The following COG7 variants were observed in gnomAD, a reference collection of about 807,000 sequenced individuals.
The protein encoded by COG7 is conserved oligomeric Golgi complex subunit 7.
Under a neutral mutation model 91.5 loss-of-function variants are expected in COG7, and 49 were observed. The observed-to-expected ratio is 0.54, with a 90% CI of 0.43 to 0.68. The LOEUF (loss-of-function observed/expected upper bound fraction) is 0.68. Among genes scored for constraint, COG7 ranks in the 30% least tolerant of loss-of-function variants. COG7 has a pLI of 0.00. For synonymous variants in COG7, 365 were observed against 388.7 expected, an observed-to-expected ratio of 0.94 and a Z score of 0.72; for missense variants, 895 against 961.3, an observed-to-expected ratio of 0.93 and a Z score of 0.91.
chr16:23,419,386 G>A (rs1264729345), intron 7 of COG7, among the ~76,000 whole-genome samples: 1 of 150,064 alleles, frequency 6.7e-6, no homozygotes, highest in Non-Finnish European at 1.5e-5. Context: ...ATTCCAGCCT[G>A]GGCAACAAGA....
intron 12 of COG7, 53 bp from the exon 13 acceptor site, chr16:23,403,887 T>G (rs557322472): frequency 7.1e-5 from 115 of 1,610,114 alleles, no homozygotes; most frequent in Admixed American, 3.3e-4. Flanking sequence ...CCAACCCAAG[T>G]ATTAGCTAGT....
chr16:23,430,764 C>T (rs1963922357), intron 6 of COG7, among the ~76,000 whole-genome samples: 1 of 152,044 alleles, frequency 6.6e-6, no homozygotes, highest in Admixed American at 6.5e-5. Context: ...TGGTCTCGAA[C>T]TCCTGACCTC....
intron 1 of COG7, chr16:23,446,606 C>G (rs943502377): frequency 6.5e-6 from 1 of 153,866 alleles, no homozygotes; most frequent in Non-Finnish European, 1.4e-5. Flanking sequence ...CGCCCGCCAC[C>G]CGCCTGGCTA....
In COG7 at chr16:23,442,617, G is replaced by A; in HGVS notation, c.464C>T (p.Thr155Ile). The change falls in exon 4 of 17, where the codon ACA (threonine) becomes ATA (isoleucine). Residue 155 changes from threonine to isoleucine, a missense_variant. By Grantham distance (89) the Thr-to-Ile change is moderately conservative (BLOSUM62 -1). Transcript: ENST00000307149. ...QDIAVISAKLTGMQNSLMMLV... is the reference protein window; with the variant it reads ...QDIAVISAKLIGMQNSLMMLV... ...CATCATTAAGCTGTTCTGCATACCT[G>A]TTAGCTTGGCAGAAATCACAGCTAT... The A allele has an allele frequency of 6.2e-7, 1 of 1,613,980 alleles. No homozygotes were observed.
intron 13 of COG7, among the ~76,000 whole-genome samples, chr16:23,403,341 G>A (rs755367743): frequency 6.6e-6 from 1 of 152,224 alleles, no homozygotes; most frequent in Non-Finnish European, 1.5e-5. Flanking sequence ...GATTCGTGTG[G>A]TGTGAAAATA....
intron 12 of COG7, among the ~76,000 whole-genome samples, chr16:23,404,950 C>T (rs1219603783): frequency 1.3e-5 from 2 of 152,106 alleles, no homozygotes; most frequent in Non-Finnish European, 2.9e-5. Flanking sequence ...GCATCTGGTG[C>T]TCCAGGAACA....
intron 1 of COG7, among the ~76,000 whole-genome samples, chr16:23,451,548 TAA>T (rs377095036): frequency 3.4e-4 from 52 of 151,412 alleles, no homozygotes; most frequent in Non-Finnish European, 6.0e-4. Context: ...ACCTTGTCTC[TAA>T]AAAAAAATTT....
At chr16:23,433,400 A>T in intron 6 of COG7, 145 bp downstream of exon 6, 1 of 1,092,582 alleles carries the variant, frequency 9.2e-7, no homozygotes, top group Non-Finnish European at 1.4e-6. Context: ...CTAACTGGTT[A>T]TTTTTTAACC....
At position 23,434,648 on chromosome 16, in the gene COG7, G is replaced by A. The variant is rs1388082233; in HGVS notation, c.675C>T (p.Tyr225=). The change falls in exon 5 of 17, where the codon TAC becomes TAT. Residue 225 remains tyrosine, a synonymous_variant. Coordinates refer to ENST00000307149, the MANE Select transcript of COG7 (RefSeq NM_153603.4). ...DRMPQLLAYY[Y]KCHKVQLLAA... ...CACAGCTTCTTACCTTGTGACACTT[G>A]TAGTAGTAGGCCAGGAGCTGGGGCA... 1 of 1,612,468 alleles carries A rather than the reference G, an allele frequency of 6.2e-7. No individual in the cohort carries two copies. The highest frequency in any genetic ancestry group is 1.3e-5 in the African/African-American group (1 of 74,886).
intron 13 of COG7, among the ~76,000 whole-genome samples, chr16:23,399,301 T>G (rs1258650138): frequency 6.6e-6 from 1 of 152,158 alleles, no homozygotes; most frequent in African/African-American, 2.4e-5. Flanking sequence ...TACAGTTTTC[T>G]AGACTCTTTG....
At position 23,416,974 on chromosome 16, in the gene COG7, A is replaced by G; in HGVS notation, c.1285T>C (p.Phe429Leu). 6.2e-7 allele frequency: 1 copy of G among 1,614,174 alleles called. No individual in the cohort carries two copies. The highest frequency in any genetic ancestry group is 1.1e-5 in the South Asian group (1 of 91,080). ...CCAGTTCCCCAGCCTTACTTGGCAA[A>G]GAGGGATTTCAGGGCTGACAACAGG... ...CGLLSALKSL[F>L]AKYVSDFTST... Residue 429 changes from phenylalanine to leucine, a missense_variant, in exon 9 of 17, where the codon TTT becomes CTT. By Grantham distance (22) the Phe-to-Leu change is conservative. Coordinates refer to ENST00000307149, the MANE Select transcript of COG7 (RefSeq NM_153603.4).
At chr16:23,397,998 G>T in intron 14 of COG7, 48 bp downstream of exon 14, 2 of 1,462,396 alleles carry the variant, frequency 1.4e-6, no homozygotes, top group Non-Finnish European at 1.9e-6. Flanking sequence ...AGACAAGGAA[G>T]GTCTGAAAGA....
chr16:23,397,592 G>T (rs1237689920), intron 14 of COG7, among the ~76,000 whole-genome samples: 1 of 152,146 alleles, frequency 6.6e-6, no homozygotes, highest in Non-Finnish European at 1.5e-5. Flanking sequence ...CTTCTGAAGA[G>T]ATTTGTTTGT....
intron 6 of COG7, 75 bp downstream of exon 6, chr16:23,433,470 G>T: frequency 6.3e-7 from 1 of 1,580,558 alleles, no homozygotes; most frequent in Non-Finnish European, 8.7e-7. Context: ...GTTGAGGGTG[G>T]CCACTCCCGA....
chr16:23,445,315 G>C, intron 2 of COG7, 151 bp from the exon 3 acceptor site: 2 of 749,906 alleles, frequency 2.7e-6, no homozygotes, highest in Non-Finnish European at 4.9e-6. Context: ...AATTTATTCA[G>C]CAGTGCTGAA....
chr16:23,422,893 A>C (rs1240000676), intron 7 of COG7, among the ~76,000 whole-genome samples: 11 of 151,626 alleles, frequency 7.3e-5, no homozygotes, highest in Admixed American at 7.2e-4. Flanking sequence ...AAATACAAAA[A>C]AATTAGCCAG....
chr16:23,410,896 G>C (rs936816288), intron 10 of COG7, among the ~76,000 whole-genome samples: 5 of 151,970 alleles, frequency 3.3e-5, no homozygotes, highest in African/African-American at 1.2e-4. Flanking sequence ...TAGTAGAGAC[G>C]GGGTTTCACT....
chr16:23,413,633 T>A, intron 9 of COG7, 69 bp from the exon 10 acceptor site: 2 of 877,588 alleles, frequency 2.3e-6, no homozygotes, highest in Admixed American at 1.7e-5. Context: ...AGACCTGGAA[T>A]TCTACAGCTC....
intron 9 of COG7, 51 bp from the exon 10 acceptor site, chr16:23,413,615 C>A: frequency 1.0e-6 from 1 of 965,916 alleles, no homozygotes; most frequent in Non-Finnish European, 1.7e-6. Flanking sequence ...GATTCCCCAA[C>A]TCTAAAGAGA....
Sources: allele counts gnomAD v4.1 joint callset (sites outside exome capture counted in the v4.1 genomes callset), GRCh38; gene constraint gnomAD v4.1.1; transcripts MANE v1.5; gene names NCBI Gene and HGNC (gene_info 2026-07-23, HGNC 2026-07-21).